Variants in CSMD1 observed in about 807,000 individuals in gnomAD.
The protein encoded by CSMD1 is CUB and sushi domain-containing protein 1.
Under a neutral mutation model 417.5 loss-of-function variants are expected in CSMD1, and 213 were observed. That is an observed-to-expected ratio of 0.51 (90% confidence interval 0.46 to 0.57). The LOEUF (loss-of-function observed/expected upper bound fraction) is 0.57, where lower values mean the gene tolerates loss of function less well. Ranked by LOEUF, CSMD1 falls within the 20% of genes least tolerant of loss-of-function variation. The pLI is 0.00. For missense variants in CSMD1, 6,923 were observed against 4,529.7 expected (o/e 1.53, Z -15.17); for synonymous variants, 2,862 against 1,736.8 (o/e 1.65, Z -16.11).
chr8:4,775,280 C>G (rs764178901), intron 1 of CSMD1, among the ~76,000 whole-genome samples: 34 of 152,092 alleles, frequency 2.2e-4, no homozygotes, highest in Non-Finnish European at 3.5e-4. Flanking sequence ...ATGATTACAT[C>G]AGGTCCAGCA....
chr8:3,949,363 C>T (rs11779200), intron 5 of CSMD1, among the ~76,000 whole-genome samples: 29,719 of 152,124 alleles, frequency 0.2, 3,558 homozygotes, highest in East Asian at 0.35. Context: ...ACCTCAATCT[C>T]ACAGTCCCTG....
intron 7 of CSMD1, among the ~76,000 whole-genome samples, chr8:3,664,372 G>A (rs918627700): frequency 6.6e-6 from 1 of 152,182 alleles, no homozygotes; most frequent in African/African-American, 2.4e-5. Context: ...ATACAATGAA[G>A]CTTTTTCTGC....
intron 20 of CSMD1, among the ~76,000 whole-genome samples, chr8:3,364,663 C>G (rs1049119777): frequency 7.9e-5 from 12 of 152,178 alleles, no homozygotes; most frequent in Non-Finnish European, 1.6e-4. Flanking sequence ...AGGGCTTCTT[C>G]TCTTTTACCC....
intron 5 of CSMD1, among the ~76,000 whole-genome samples, chr8:3,990,967 C>G (rs930211467): frequency 2.0e-5 from 3 of 152,140 alleles, no homozygotes; most frequent in African/African-American, 7.2e-5. Flanking sequence ...TTCAGAAGGA[C>G]AGGAGAGAAA....
intron 3 of CSMD1, among the ~76,000 whole-genome samples, chr8:4,286,473 C>T (rs901650772): frequency 6.6e-6 from 1 of 152,080 alleles, no homozygotes; most frequent in Non-Finnish European, 1.5e-5. Context: ...CATTGTGCCT[C>T]TTCATTTTAA....
At chr8:4,974,703 C>A (rs866380628) in intron 1 of CSMD1, among the ~76,000 whole-genome samples, 1 of 152,082 alleles carries the variant, frequency 6.6e-6, no homozygotes, top group Non-Finnish European at 1.5e-5. Flanking sequence ...AGACAGATGT[C>A]GAAGGATAAC....
chr8:3,358,756 A>G (rs1300937740), intron 21 of CSMD1, among the ~76,000 whole-genome samples: 1 of 152,148 alleles, frequency 6.6e-6, no homozygotes, highest in Non-Finnish European at 1.5e-5. Flanking sequence ...CGTTATACCA[A>G]GGGACACGTG....
At chr8:4,983,746 C>G (rs1293870438) in intron 1 of CSMD1, among the ~76,000 whole-genome samples, 1 of 151,932 alleles carries the variant, frequency 6.6e-6, no homozygotes, top group African/African-American at 2.4e-5. Context: ...TTAAAGGACC[C>G]TAAACCTACA....
At chr8:3,857,605 T>G (rs1804402715) in intron 5 of CSMD1, among the ~76,000 whole-genome samples, 1 of 152,118 alleles carries the variant, frequency 6.6e-6, no homozygotes, top group African/African-American at 2.4e-5. Flanking sequence ...AGGTTTGTGG[T>G]GGGGCCAGGT....
chr8:3,062,093 T>A (rs1563294918), intron 49 of CSMD1, among the ~76,000 whole-genome samples: 1 of 152,226 alleles, frequency 6.6e-6, no homozygotes, highest in Non-Finnish European at 1.5e-5. Flanking sequence ...CAAATATGAT[T>A]CTGAAAATAC....
intron 4 of CSMD1, among the ~76,000 whole-genome samples, chr8:4,007,898 G>C (rs376750302): frequency 2.0e-5 from 3 of 151,366 alleles, no homozygotes; most frequent in African/African-American, 7.3e-5. Context: ...TTAAGAATGA[G>C]TGTTAAAAAA....
At chr8:3,573,903 A>G (rs959288200) in intron 10 of CSMD1, among the ~76,000 whole-genome samples, 3 of 152,078 alleles carry the variant, frequency 2.0e-5, no homozygotes, top group Admixed American at 1.3e-4. Flanking sequence ...AGTGAAATCA[A>G]TATGAAGATG....
chr8:3,562,717 A>T (rs1260983056), intron 10 of CSMD1, among the ~76,000 whole-genome samples: 2 of 152,046 alleles, frequency 1.3e-5, no homozygotes, highest in Non-Finnish European at 2.9e-5. Context: ...ACAAAGAGTT[A>T]CATGTTAAAC....
intron 37 of CSMD1, among the ~76,000 whole-genome samples, chr8:3,179,101 A>G (rs184846807): frequency 0.016 from 2,400 of 150,394 alleles, 64 homozygotes; most frequent in African/African-American, 0.054. Context: ...GCCCGCCACC[A>G]CGCCTGGCTA....
At chr8:3,306,509 G>C (rs1804858642) in intron 25 of CSMD1, among the ~76,000 whole-genome samples, 1 of 152,148 alleles carries the variant, frequency 6.6e-6, no homozygotes, top group Non-Finnish European at 1.5e-5. Flanking sequence ...GTATGTGTAG[G>C]AGGAGCTGAA....
intron 68 of CSMD1, among the ~76,000 whole-genome samples, chr8:2,946,158 G>C (rs1398498158): frequency 1.3e-5 from 2 of 152,178 alleles, no homozygotes; most frequent in African/African-American, 4.8e-5. Context: ...TTAGGAATTT[G>C]TCAGCTTCTT....
At chr8:3,919,689 T>C (rs550491004) in intron 5 of CSMD1, among the ~76,000 whole-genome samples, 1 of 152,308 alleles carries the variant, frequency 6.6e-6, no homozygotes, top group African/African-American at 2.4e-5. Context: ...GGAATTTTGA[T>C]AGAGATTGCT....
chr8:3,509,194 G>C (rs75597577), intron 10 of CSMD1, among the ~76,000 whole-genome samples: 1 of 152,228 alleles, frequency 6.6e-6, no homozygotes, highest in East Asian at 1.9e-4. Flanking sequence ...GATTGGTTTC[G>C]GAAATCTGGG....
At chr8:3,082,463 C>T (rs560793220) in intron 49 of CSMD1, among the ~76,000 whole-genome samples, 22 of 152,274 alleles carry the variant, frequency 1.4e-4, no homozygotes, top group African/African-American at 3.1e-4. Flanking sequence ...CTACTCCCGC[C>T]GGATGACTAT....
Sources: gnomAD v4.1 joint callset for allele counts (sites outside exome capture counted in the v4.1 genomes callset) on GRCh38, gnomAD v4.1.1 for gene constraint, MANE v1.5 for transcripts, NCBI Gene and HGNC (gene_info 2026-07-23, HGNC 2026-07-21) for gene names.